FOXJ3: variants seen among roughly 807,000 people sequenced by gnomAD.
FOXJ3 encodes forkhead box protein J3.
A neutral mutation model predicts 76.1 loss-of-function variants in FOXJ3; 22 were observed. The observed-to-expected ratio is 0.29, with a 90% CI of 0.21 to 0.41. The LOEUF is 0.41. Among genes scored for constraint, FOXJ3 ranks in the 10% least tolerant of loss-of-function variants. FOXJ3 has a pLI of 1.00. For synonymous variants in FOXJ3, 269 were observed against 261.2 expected (o/e 1.03, Z -0.29); for missense variants, 613 against 762.1 (o/e 0.80, Z 2.30).
chr1:42,273,079 T>A lies in FOXJ3; in HGVS notation c.369+5269A>T, dbSNP rs568848852. Among the ~76,000 whole-genome samples, 11 of 152,310 alleles carry A rather than the reference T, an allele frequency of 7.2e-5. No individual in the cohort carries two copies. The East Asian group carries it at 2.1e-3, about 29-fold the overall frequency. ...GATTATCATACTCCCCATAAACTCA[T>A]TAACTGTACCCTTCATTTAACACTT... On this transcript the variant is annotated intron_variant, in intron 3 of 12. Coordinates refer to ENST00000361346, the MANE Select transcript of FOXJ3 (RefSeq NM_014947.5).
rs1655605250 is a variant in FOXJ3 at position 42,324,084 on chromosome 1, A to AT, written c.-18+10974dup. Reference sequence around the variant, plus strand: ...TATATACACAGTGTATATATAGTATATATACTGTATATATACTGTGTATAT... The same window carrying AT: ...TATATACACAGTGTATATATAGTATATTATACTGTATATATACTGTGTATAT... On this transcript the variant is annotated intron_variant, in intron 1 of 12. Coordinates refer to ENST00000361346, the MANE Select transcript of FOXJ3 (RefSeq NM_014947.5). Among the ~76,000 whole-genome samples, 7 of 144,150 alleles carry AT rather than the reference A, an allele frequency of 4.9e-5. No homozygotes were observed. In the East Asian group the frequency reaches 1.4e-3, roughly 29 times the overall value. 94.6% of individuals were successfully genotyped at this position (144,150 alleles called of 152,430 possible).
At chr1:42,228,469 T>C (rs1225831805) in intron 4 of FOXJ3, among the ~76,000 whole-genome samples, 1 of 151,840 alleles carries the variant, frequency 6.6e-6, no homozygotes, top group Admixed American at 6.6e-5. Flanking sequence ...GACTTAACTA[T>C]TCTCTCTTAC....
At chr1:42,223,885 G>C (rs529574248) in intron 5 of FOXJ3, among the ~76,000 whole-genome samples, 1 of 152,322 alleles carries the variant, frequency 6.6e-6, no homozygotes, top group Non-Finnish European at 1.5e-5. Context: ...AGCACAAACT[G>C]TGAAGGCAAG....
In FOXJ3 at chr1:42,179,492, A is replaced by G. The variant is rs967721385; in HGVS notation, c.*218T>C. ...ATCACACAACAGTTAGGAGCTACAT[A>G]GGGCAGCTGGCAGGGAGACAAACAT... On this transcript the variant is annotated 3_prime_UTR_variant, in exon 13 of 13. Coordinates refer to ENST00000361346, the MANE Select transcript of FOXJ3 (RefSeq NM_014947.5). 16 of 371,898 alleles carry G rather than the reference A, an allele frequency of 4.3e-5. No homozygotes were observed. Among genetic ancestry groups the G allele is most frequent in the Middle Eastern group, 7.2e-4 (1 of 1,382 alleles). 23.0% of individuals were successfully genotyped at this position (371,898 alleles called of 1,614,324 possible).
intron 3 of FOXJ3, among the ~76,000 whole-genome samples, chr1:42,269,781 C>G (rs190990687): frequency 6.2e-4 from 94 of 152,244 alleles, no homozygotes; most frequent in African/African-American, 2.0e-3. Context: ...TAAAACAAAT[C>G]TATCACTAAA....
intron 1 of FOXJ3, among the ~76,000 whole-genome samples, chr1:42,332,268 T>C (rs1255188232): frequency 6.6e-6 from 1 of 152,148 alleles, no homozygotes; most frequent in Non-Finnish European, 1.5e-5. Context: ...ACTGATGTGT[T>C]TTACTAGCAT....
intron 2 of FOXJ3, among the ~76,000 whole-genome samples, chr1:42,308,536 T>C (rs1417401473): frequency 1.3e-5 from 2 of 152,086 alleles, no homozygotes; most frequent in Non-Finnish European, 2.9e-5. Flanking sequence ...CACAGAATAT[T>C]AGAGAAATGA....
At chr1:42,263,845 A>T (rs1651249713) in intron 4 of FOXJ3, among the ~76,000 whole-genome samples, 2 of 151,942 alleles carry the variant, frequency 1.3e-5, no homozygotes. Flanking sequence ...GATACACATG[A>T]ACCCTACTTG....
intron 5 of FOXJ3, among the ~76,000 whole-genome samples, chr1:42,207,022 G>A (rs1557637305): frequency 6.6e-6 from 1 of 151,974 alleles, no homozygotes; most frequent in South Asian, 2.1e-4. Flanking sequence ...GTAGAGACAG[G>A]GTTCACCATG....
chr1:42,303,491 CCTT>C (rs1654281934), intron 2 of FOXJ3, among the ~76,000 whole-genome samples: 1 of 152,176 alleles, frequency 6.6e-6, no homozygotes, highest in Non-Finnish European at 1.5e-5. Context: ...AAATCTGCCT[CCTT>C]CTGGTAGTTC....
chr1:42,223,947 T>G (rs1342599158), intron 5 of FOXJ3, among the ~76,000 whole-genome samples: 1 of 152,234 alleles, frequency 6.6e-6, no homozygotes, highest in African/African-American at 2.4e-5. Context: ...CTTGGATAAC[T>G]CACTTAACAT....
chr1:42,259,749 T>C (rs1164116012), intron 4 of FOXJ3, among the ~76,000 whole-genome samples: 1 of 152,234 alleles, frequency 6.6e-6, no homozygotes, highest in Non-Finnish European at 1.5e-5. Context: ...TTCTTCACTC[T>C]TGGATCTCAC....
chr1:42,289,865 T>A (rs925091547), intron 2 of FOXJ3, among the ~76,000 whole-genome samples: 14 of 152,114 alleles, frequency 9.2e-5, no homozygotes, highest in Non-Finnish European at 2.1e-4. Context: ...GCACTAAGGT[T>A]CAAAGAAAAA....
At chr1:42,188,609 T>G in intron 11 of FOXJ3, 128 bp downstream of exon 11, 1 of 514,230 alleles carries the variant, frequency 1.9e-6, no homozygotes, top group Non-Finnish European at 3.3e-6. Flanking sequence ...TTCATTCATT[T>G]CTTATAAATA....
intron 4 of FOXJ3, among the ~76,000 whole-genome samples, chr1:42,260,775 T>C (rs1254518201): frequency 6.6e-6 from 1 of 152,238 alleles, no homozygotes; most frequent in Non-Finnish European, 1.5e-5. Context: ...CCAATCTCTA[T>C]GGTCACTGAG....
At chr1:42,208,904 TAA>T (rs1337679635) in intron 5 of FOXJ3, among the ~76,000 whole-genome samples, 1 of 152,226 alleles carries the variant, frequency 6.6e-6, no homozygotes, top group Non-Finnish European at 1.5e-5. Context: ...TATTTTATAA[TAA>T]AGTGTTAAAT....
At chr1:42,305,584 GT>G (rs1306328332) in intron 2 of FOXJ3, among the ~76,000 whole-genome samples, 2 of 152,106 alleles carry the variant, frequency 1.3e-5, no homozygotes, top group Non-Finnish European at 2.9e-5. Flanking sequence ...GGAACTGGGG[GT>G]CATTATGCTA....
At chr1:42,277,327 G>C (rs367636000) in intron 3 of FOXJ3, among the ~76,000 whole-genome samples, 1 of 149,128 alleles carries the variant, frequency 6.7e-6, no homozygotes, top group Non-Finnish European at 1.5e-5. Flanking sequence ...TCAGGCACTC[G>C]ACCTTGGGTA....
chr1:42,324,113 C>CAGTGTATATATACAGTGTATATATAG (rs1557726011), intron 1 of FOXJ3, among the ~76,000 whole-genome samples: 1 of 1,906 alleles, frequency 5.2e-4, no homozygotes, highest in South Asian at 0.023. Context: ...TGTATATACA[C>CAGTGTATATATACAGTGTATATATAG]TGTATATACA....
Sources: gnomAD v4.1 joint callset for allele counts (sites outside exome capture counted in the v4.1 genomes callset) on GRCh38, gnomAD v4.1.1 for gene constraint, MANE v1.5 for transcripts, NCBI Gene and HGNC (gene_info 2026-07-23, HGNC 2026-07-21) for gene names.